MID1: variants seen among roughly 807,000 people sequenced by gnomAD.
The protein encoded by MID1 is midline 1.
MID1 carries 7 observed loss-of-function variants against 40.4 expected under a neutral mutation model. The observed-to-expected ratio is 0.17, with a 90% CI of 0.10 to 0.33. MID1 has a LOEUF of 0.33. Ranked by LOEUF, MID1 falls within the 10% of genes least tolerant of loss-of-function variation. MID1 has a pLI of 1.00. For synonymous variants in MID1, 229 were observed against 221.2 expected (o/e 1.04, Z -0.31); for missense variants, 367 against 558.5 (o/e 0.66, Z 3.46).
At chrX:10,588,870 C>T (rs949806549) in intron 1 of MID1, among the ~76,000 whole-genome samples, 5 of 111,797 alleles carry the variant, frequency 4.5e-5, no homozygotes, top group South Asian at 3.7e-4. Flanking sequence ...AGGCTTCCTT[C>T]TGATGGCCAA....
In MID1 at chrX:10,567,413, G is replaced by A. The variant is rs996298206; in HGVS notation, c.135C>T (p.Asn45=). The A allele has an allele frequency of 8.3e-6, 10 of 1,207,515 alleles. No homozygotes were observed. The highest frequency in any genetic ancestry group is 1.0e-5 in the Non-Finnish European group (9 of 893,540). Residue 45 remains asparagine, a synonymous_variant, in exon 2 of 10, where the codon AAC becomes AAT. Coordinates refer to ENST00000317552, the MANE Select transcript of MID1 (RefSeq NM_000381.4). Reference sequence around the variant, plus strand: ...AGGCGGTGATGGACTCCACAGACTCGTTGGTGGCACAGTGTGATACTAGGA... The same window carrying A: ...AGGCGGTGATGGACTCCACAGACTCATTGGTGGCACAGTGTGATACTAGGA... The part of the protein sequence containing the change: ...HRILVSHCAT[N]ESVESITAFQ...
intron 7 of MID1, among the ~76,000 whole-genome samples, chrX:10,460,787 A>T (rs1228186135): frequency 9.0e-6 from 1 of 111,183 alleles, no homozygotes; most frequent in Non-Finnish European, 1.9e-5. Flanking sequence ...ATACTTTACC[A>T]GATTCTCAAG....
intron 1 of MID1, among the ~76,000 whole-genome samples, chrX:10,645,530 C>A (rs905451581): frequency 8.9e-6 from 1 of 111,991 alleles, no homozygotes; most frequent in South Asian, 3.7e-4. Flanking sequence ...ACAGAGAAAC[C>A]TTTAGGTCGA....
At chrX:10,708,671 C>T (rs2043246566) in intron 1 of MID1, among the ~76,000 whole-genome samples, 1 of 111,620 alleles carries the variant, frequency 9.0e-6, no homozygotes, top group South Asian at 3.8e-4. Context: ...TCTTCCAAAG[C>T]AACCTCGAGG....
chrX:10,831,291 G>T (rs1050351996), intron 1 of MID1, among the ~76,000 whole-genome samples: 2 of 111,867 alleles, frequency 1.8e-5, no homozygotes, highest in Admixed American at 9.5e-5. Flanking sequence ...ACTTCATATG[G>T]TGCACACTAT....
chrX:10,460,272 T>G (rs1928945505), intron 7 of MID1, among the ~76,000 whole-genome samples: 1 of 111,349 alleles, frequency 9.0e-6, no homozygotes, highest in Non-Finnish European at 1.9e-5. Flanking sequence ...AGCTTTACCA[T>G]GCAGCCAACG....
At chrX:10,461,290 CAT>C (rs1388333373) in intron 7 of MID1, among the ~76,000 whole-genome samples, 1 of 107,752 alleles carries the variant, frequency 9.3e-6, no homozygotes, top group Non-Finnish European at 1.9e-5. Flanking sequence ...ATTTAGGACT[CAT>C]AGAAGGGTTT....
intron 1 of MID1, among the ~76,000 whole-genome samples, chrX:10,721,112 T>C (rs948427212): frequency 9.1e-6 from 1 of 110,195 alleles, no homozygotes; most frequent in African/African-American, 3.3e-5. Flanking sequence ...GACGAGTTAA[T>C]GGGTGCAGCA....
chrX:10,526,331 T>A (rs1410350865), intron 2 of MID1, among the ~76,000 whole-genome samples: 6 of 111,559 alleles, frequency 5.4e-5, no homozygotes, highest in Non-Finnish European at 1.9e-5. Context: ...AAAGTTTTTT[T>A]TTTTTATTGT....
intron 1 of MID1, among the ~76,000 whole-genome samples, chrX:10,641,755 C>T (rs1034217113): frequency 2.7e-5 from 3 of 111,684 alleles, no homozygotes; most frequent in Non-Finnish European, 5.6e-5. Context: ...AACATTGATG[C>T]AAAAATCCTC....
intron 1 of MID1, among the ~76,000 whole-genome samples, chrX:10,757,919 C>T (rs1028148333): frequency 3.6e-5 from 4 of 110,569 alleles, no homozygotes; most frequent in African/African-American, 1.3e-4. Flanking sequence ...TGGTTTTAAA[C>T]CATATTAATG....
intron 1 of MID1, among the ~76,000 whole-genome samples, chrX:10,715,409 G>T (rs891799790): frequency 1.8e-5 from 2 of 112,335 alleles, no homozygotes; most frequent in African/African-American, 6.5e-5. Flanking sequence ...TCCCATGCCT[G>T]GCTCGGAGGG....
chrX:10,556,693 C>A lies in MID1; in HGVS notation c.660+10195G>T, dbSNP rs143800043. On this transcript the variant is annotated intron_variant, in intron 2 of 9. Coordinates refer to ENST00000317552, the MANE Select transcript of MID1 (RefSeq NM_000381.4). Reference sequence around the variant, plus strand: ...TGCTCGGCACTTTACAAGCATTTTCCTTTTTGATGCGACATGCAAAATGTG... The same window carrying A: ...TGCTCGGCACTTTACAAGCATTTTCATTTTTGATGCGACATGCAAAATGTG... Among the ~76,000 whole-genome samples, 166 of 112,330 alleles carry A rather than the reference C, an allele frequency of 1.5e-3. 5 individuals carry two copies. In the East Asian group the frequency reaches 0.032, roughly 22 times the overall value.
intron 1 of MID1, among the ~76,000 whole-genome samples, chrX:10,669,244 A>T (rs1253691058): frequency 9.4e-6 from 1 of 106,706 alleles, no homozygotes; most frequent in African/African-American, 3.4e-5. Flanking sequence ...AAAAAAAAAA[A>T]AAAAAAAAAA....
intron 1 of MID1, among the ~76,000 whole-genome samples, chrX:10,687,742 CTTG>C (rs1396381104): frequency 8.9e-6 from 1 of 111,877 alleles, no homozygotes; most frequent in Non-Finnish European, 1.9e-5. Flanking sequence ...AAGACAGGGT[CTTG>C]TTCTGTCACC....
intron 1 of MID1, among the ~76,000 whole-genome samples, chrX:10,674,925 A>G (rs985067562): frequency 1.8e-5 from 2 of 112,481 alleles, no homozygotes. Context: ...GAAAAAGCAT[A>G]TATTTTTTCA....
intron 1 of MID1, among the ~76,000 whole-genome samples, chrX:10,627,641 T>C (rs933389824): frequency 7.1e-5 from 8 of 112,048 alleles, no homozygotes; most frequent in Non-Finnish European, 1.5e-4. Context: ...TTCTTTTATC[T>C]CACTTTCCTT....
At chrX:10,804,759 G>A (rs957308608) in intron 1 of MID1, among the ~76,000 whole-genome samples, 3 of 111,262 alleles carry the variant, frequency 2.7e-5, no homozygotes, top group African/African-American at 9.8e-5. Flanking sequence ...GGTGAGACAG[G>A]AAAGCTACAG....
intron 1 of MID1, among the ~76,000 whole-genome samples, chrX:10,595,100 A>G (rs2147513595): frequency 8.9e-6 from 1 of 111,894 alleles, no homozygotes; most frequent in East Asian, 2.8e-4. Context: ...CCTTCTGCAG[A>G]TGAGGAAACT....
Sources: allele counts gnomAD v4.1 joint callset (sites outside exome capture counted in the v4.1 genomes callset), GRCh38; gene constraint gnomAD v4.1.1; transcripts MANE v1.5; gene names NCBI Gene and HGNC (gene_info 2026-07-23, HGNC 2026-07-21).